ZFHX3: variants seen among roughly 807,000 people sequenced by gnomAD.
ZFHX3 encodes the protein zinc finger homeobox protein 3.
A neutral mutation model predicts 279.1 loss-of-function variants in ZFHX3; 42 were observed. The ratio of observed to expected loss-of-function variants is 0.15; its 90% CI spans 0.12 to 0.19. The LOEUF (loss-of-function observed/expected upper bound fraction) is 0.19, where lower values mean the gene tolerates loss of function less well. ZFHX3 is among the 10% of genes least tolerant of loss of function. The pLI, the probability that ZFHX3 is intolerant of heterozygous loss-of-function variation, is 1.00. For missense variants in ZFHX3, 4,981 were observed against 4,754.0 expected (o/e 1.05, Z -1.40); for synonymous variants, 2,293 against 1,957.8 (o/e 1.17, Z -4.52).
At chr16:72,803,334 A>G (rs781517277) in intron 7 of ZFHX3, among the ~76,000 whole-genome samples, 2 of 152,122 alleles carry the variant, frequency 1.3e-5, no homozygotes, top group Non-Finnish European at 2.9e-5. Context: ...TCTGTCTCCA[A>G]TCAATCAATC....
intron 2 of ZFHX3, among the ~76,000 whole-genome samples, chr16:73,516,545 G>C (rs2019525758): frequency 6.6e-6 from 1 of 152,146 alleles, no homozygotes; most frequent in Admixed American, 6.5e-5. Context: ...TTGGATTTAA[G>C]GCTTAGACAT....
chr16:72,893,452 C>T (rs1041526484), intron 3 of ZFHX3, among the ~76,000 whole-genome samples: 9 of 152,154 alleles, frequency 5.9e-5, no homozygotes, highest in South Asian at 2.1e-4. Context: ...GATGGAAATG[C>T]GATGTCAAAT....
At chr16:73,034,168 T>A (rs1278049303) in intron 1 of ZFHX3, among the ~76,000 whole-genome samples, 30 of 151,206 alleles carry the variant, frequency 2.0e-4, no homozygotes, top group Admixed American at 2.0e-3. Context: ...ATGGACAAGG[T>A]TGTTTCTGAG....
chr16:73,257,419 A>G (rs1464798850), intron 4 of ZFHX3, among the ~76,000 whole-genome samples: 5 of 152,202 alleles, frequency 3.3e-5, no homozygotes, highest in African/African-American at 1.2e-4. Flanking sequence ...AATTGTTATA[A>G]TAGAAGACCC....
chr16:73,682,958 G>GAA (rs557154466), intron 1 of ZFHX3, among the ~76,000 whole-genome samples: 2 of 21,876 alleles, frequency 9.1e-5, no homozygotes, highest in African/African-American at 1.4e-4. Flanking sequence ...AAGAAAGAAA[G>GAA]AAAGAAAGAA....
intron 2 of ZFHX3, among the ~76,000 whole-genome samples, chr16:73,471,667 C>G (rs369219763): frequency 2.0e-5 from 3 of 152,166 alleles, no homozygotes; most frequent in African/African-American, 4.8e-5. Flanking sequence ...AAGGAGGGCT[C>G]AGGGGACCCT....
At chr16:73,090,911 GAAAA>G (rs57632636) in intron 8 of ZFHX3, among the ~76,000 whole-genome samples, 2,915 of 108,288 alleles carry the variant, frequency 0.027, 55 homozygotes, top group Middle Eastern at 0.088. Context: ...ATCCCATATT[GAAAA>G]AAAAAAAAAA....
At chr16:72,851,372 G>A (rs959949498) in intron 4 of ZFHX3, among the ~76,000 whole-genome samples, 39 of 152,294 alleles carry the variant, frequency 2.6e-4, no homozygotes, top group Non-Finnish European at 4.4e-5. Flanking sequence ...CCGACAAGGG[G>A]CTCTTCATCA....
At chr16:72,913,841 C>T (rs1022078648) in intron 3 of ZFHX3, among the ~76,000 whole-genome samples, 3 of 152,184 alleles carry the variant, frequency 2.0e-5, no homozygotes, top group Non-Finnish European at 4.4e-5. Context: ...CATACCTGGG[C>T]TCTCGACAAT....
intron 5 of ZFHX3, among the ~76,000 whole-genome samples, chr16:72,823,943 T>C (rs2036865820): frequency 6.6e-6 from 1 of 152,196 alleles, no homozygotes; most frequent in South Asian, 2.1e-4. Flanking sequence ...GAGACTCAAT[T>C]TGGAAAAACG....
intron 1 of ZFHX3, among the ~76,000 whole-genome samples, chr16:73,032,975 C>G (rs1964763219): frequency 6.6e-6 from 1 of 152,186 alleles, no homozygotes; most frequent in South Asian, 2.1e-4. Context: ...CCACTGGGTG[C>G]CAGGCAGCAG....
chr16:73,522,886 GAGA>G (rs1485441766), intron 2 of ZFHX3, among the ~76,000 whole-genome samples: 1 of 152,156 alleles, frequency 6.6e-6, no homozygotes, highest in Non-Finnish European at 1.5e-5. Flanking sequence ...TGGCAGCAAG[GAGA>G]AGAATGAGTG....
chr16:73,867,573 G>T (rs1312586102), intron 1 of ZFHX3, among the ~76,000 whole-genome samples: 2 of 152,168 alleles, frequency 1.3e-5, no homozygotes, highest in African/African-American at 4.8e-5. Context: ...ACAATAACAG[G>T]CTTACAGACC....
chr16:72,935,206 G>A (rs1567592278), intron 3 of ZFHX3, among the ~76,000 whole-genome samples: 1 of 152,216 alleles, frequency 6.6e-6, no homozygotes, highest in Non-Finnish European at 1.5e-5. Flanking sequence ...AGGACGTGTG[G>A]CTTGTACATG....
rs1158294480 is a variant in ZFHX3, at chr16:72,798,227, A to T, written c.4455T>A (p.His1485Gln). The change falls in exon 9 of 10, where the codon CAT becomes CAA. Residue 1485 changes from histidine (H) to glutamine (Q), a missense_variant. Physicochemically the swap from His to Gln is conservative, Grantham distance 24 (BLOSUM62 0). This residue lies in a region of ZFHX3 where 1,751 missense variants were observed against 1,770.0 expected (regional missense o/e 0.99). Coordinates refer to ENST00000268489, the MANE Select transcript of ZFHX3 (RefSeq NM_006885.4). ...AMGDPTLAEDHTIIVEEDKEE... is the reference protein window; with the variant it reads ...AMGDPTLAEDQTIIVEEDKEE... ...CCTTGTCTTCCTCAACAATTATGGT[A>T]TGGTCCTCTGCCAGAGTGGGGTCTC... The T allele has an allele frequency of 6.2e-7, 1 of 1,614,156 alleles. No individual in the cohort carries two copies. The highest frequency in any genetic ancestry group is 1.7e-5 in the Admixed American group (1 of 60,026).
chr16:73,827,826 A>G (rs1427829210), intron 1 of ZFHX3, among the ~76,000 whole-genome samples: 2 of 131,186 alleles, frequency 1.5e-5, no homozygotes, highest in Non-Finnish European at 3.2e-5. Flanking sequence ...ACTTCCAACT[A>G]TGTGGTCAAT....
At chr16:72,843,513 TAAAAAAAAAAAAA>T (rs59007764) in intron 4 of ZFHX3, among the ~76,000 whole-genome samples, 48 of 39,464 alleles carry the variant, frequency 1.2e-3, no homozygotes, top group African/African-American at 3.4e-3. Flanking sequence ...AGACTCCGTC[TAAAAAAAAAAAAA>T]AAAAAAAAAA....
At chr16:73,636,830 T>C (rs1305804900) in intron 2 of ZFHX3, among the ~76,000 whole-genome samples, 1 of 152,198 alleles carries the variant, frequency 6.6e-6, no homozygotes, top group Admixed American at 6.5e-5. Context: ...ATCAATTTCA[T>C]GTAAATTAAT....
chr16:73,108,053 C>T (rs1469752869), intron 7 of ZFHX3, among the ~76,000 whole-genome samples: 2 of 152,048 alleles, frequency 1.3e-5, no homozygotes, highest in Non-Finnish European at 2.9e-5. Context: ...CCCAGCTACT[C>T]GGGAGGCCGA....
Sources: allele counts gnomAD v4.1 joint callset (sites outside exome capture counted in the v4.1 genomes callset), GRCh38; gene constraint gnomAD v4.1.1; regional missense constraint gnomAD v4.1.1; transcripts MANE v1.5; gene names NCBI Gene and HGNC (gene_info 2026-07-23, HGNC 2026-07-21).